SLC60A1: variants seen among roughly 807,000 people sequenced by gnomAD.
SLC60A1 encodes major facilitator superfamily domain containing 4.
chr1:205,597,772 T>C, the SLC60A1 span: 2 of 1,613,644 alleles, frequency 1.2e-6, no homozygotes, highest in East Asian at 4.5e-5. Flanking sequence ...ACCTTCTCTT[T>C]TTGTTAGGCT....
the SLC60A1 span, among the ~76,000 whole-genome samples, chr1:205,596,140 A>T: frequency 1.3e-5 from 2 of 151,322 alleles, 1 homozygote; most frequent in East Asian, 3.9e-4. Context: ...CCATTTTATT[A>T]AAAAAAAATA....
the SLC60A1 span, chr1:205,584,962 C>A: frequency 6.2e-7 from 1 of 1,614,014 alleles, no homozygotes; most frequent in African/African-American, 1.3e-5. Context: ...CACGGGCGCC[C>A]TGGTACTGTT....
At chr1:205,586,850 C>T in the SLC60A1 span, among the ~76,000 whole-genome samples, 1 of 152,118 alleles carries the variant, frequency 6.6e-6, no homozygotes, top group Non-Finnish European at 1.5e-5. Flanking sequence ...GTGCCTACCA[C>T]CATGCCTGGC....
chr1:205,583,708 C>T, the SLC60A1 span, among the ~76,000 whole-genome samples: 1 of 152,182 alleles, frequency 6.6e-6, no homozygotes, highest in Admixed American at 6.5e-5. Flanking sequence ...GCTTTGCATG[C>T]GACAAATATC....
At chr1:205,589,705 A>T in the SLC60A1 span, among the ~76,000 whole-genome samples, 1 of 152,090 alleles carries the variant, frequency 6.6e-6, no homozygotes, top group Non-Finnish European at 1.5e-5. Context: ...TTCCTGCCTC[A>T]GCCTACCAAA....
the SLC60A1 span, chr1:205,600,093 G>A: frequency 3.6e-6 from 1 of 279,228 alleles, no homozygotes; most frequent in Non-Finnish European, 6.8e-6. Context: ...CAGCAGTACT[G>A]GTTGCACACA....
chr1:205,569,593 TCCCACCTGCTTCCCCCA>T, the SLC60A1 span, among the ~76,000 whole-genome samples: 1 of 150,894 alleles, frequency 6.6e-6, no homozygotes, highest in Non-Finnish European at 1.5e-5. Context: ...TAAAACCAGT[TCCCACCTGCTTCCCCCA>T]CCCACCGCCC....
the SLC60A1 span, among the ~76,000 whole-genome samples, chr1:205,570,410 G>A: frequency 7.0e-6 from 1 of 141,982 alleles, no homozygotes; most frequent in African/African-American, 2.5e-5. Context: ...CTATCCCAGA[G>A]AAACCTCTGG....
chr1:205,596,201 C>T, the SLC60A1 span, among the ~76,000 whole-genome samples: 1 of 152,104 alleles, frequency 6.6e-6, no homozygotes, highest in Non-Finnish European at 1.5e-5. Flanking sequence ...TGGTTTTTGC[C>T]AGTGATCTAT....
the SLC60A1 span, among the ~76,000 whole-genome samples, chr1:205,579,053 A>G: frequency 2.0e-5 from 3 of 152,000 alleles, no homozygotes; most frequent in African/African-American, 7.3e-5. Flanking sequence ...GGGCTTTTCT[A>G]TTATCTGAAA....
the SLC60A1 span, chr1:205,579,781 C>G: frequency 6.2e-7 from 1 of 1,614,162 alleles, no homozygotes; most frequent in African/African-American, 1.3e-5. Flanking sequence ...CCCTGTTCAC[C>G]TCCTCTCTGG....
the SLC60A1 span, among the ~76,000 whole-genome samples, chr1:205,596,272 AACAG>A: frequency 1.3e-5 from 2 of 152,210 alleles, no homozygotes; most frequent in Non-Finnish European, 2.9e-5. Flanking sequence ...CTAGCTGGTC[AACAG>A]ACAGTGTGGT....
the SLC60A1 span, chr1:205,580,623 A>ACCCCCCCCCCCCCCCCCCC: frequency 6.4e-7 from 1 of 1,570,446 alleles, no homozygotes. This position sits in a 1 kb window ranked among gnomAD's most constrained non-coding sequence, Gnocchi z 5.0. Context: ...CTGAAGACTG[A>ACCCCCCCCCCCCCCCCCCC]CCCCCACCCC....
chr1:205,569,435 C>T, the SLC60A1 span: 10 of 439,066 alleles, frequency 2.3e-5, no homozygotes. Flanking sequence ...GCCTCCCGGC[C>T]GCGACCACCC....
At chr1:205,592,055 C>T in the SLC60A1 span, 1 of 1,562,020 alleles carries the variant, frequency 6.4e-7, no homozygotes. Flanking sequence ...AACGCCAAGC[C>T]AGGAGACGCC....
At chr1:205,580,992 C>A in the SLC60A1 span, 1 of 1,536,486 alleles carries the variant, frequency 6.5e-7, no homozygotes, top group Non-Finnish European at 8.8e-7. The surrounding 1 kb of genome is among the most constrained non-coding windows in gnomAD (Gnocchi z 5.0). Flanking sequence ...ACCCCACACC[C>A]AGTGAAGATT....
the SLC60A1 span, among the ~76,000 whole-genome samples, chr1:205,597,373 G>GTTTTT: frequency 1.6e-4 from 6 of 37,202 alleles, no homozygotes; most frequent in East Asian, 9.2e-4. Context: ...AACCTAGGTT[G>GTTTTT]TTTTTTTTTT....
chr1:205,588,324 G>C, the SLC60A1 span, among the ~76,000 whole-genome samples: 1 of 152,008 alleles, frequency 6.6e-6, no homozygotes, highest in Non-Finnish European at 1.5e-5. Context: ...ACAAAAATTA[G>C]CCGGGCGTGG....
At chr1:205,585,844 C>G in the SLC60A1 span, among the ~76,000 whole-genome samples, 94 of 152,358 alleles carry the variant, frequency 6.2e-4, no homozygotes, top group African/African-American at 2.2e-3. The surrounding 1 kb of genome is among the most constrained non-coding windows in gnomAD (Gnocchi z 4.2). Context: ...ACCCCAGCTT[C>G]TGTCCTCAGC....
Sources: gnomAD v4.1 joint callset for allele counts (sites outside exome capture counted in the v4.1 genomes callset) on GRCh38, gnomAD v4.1.1 for gene constraint, Gnocchi (gnomAD v3.1) non-coding constraint, MANE v1.5 for transcripts, NCBI Gene and HGNC (gene_info 2026-07-23, HGNC 2026-07-21) for gene names.